Variants in DMD observed in about 807,000 individuals in gnomAD.
DMD encodes the protein mutant dystrophin.
Under a neutral mutation model 330.1 loss-of-function variants are expected in DMD, and 63 were observed. The observed-to-expected ratio is 0.19, with a 90% confidence interval of 0.16 to 0.24. DMD has a LOEUF of 0.24. Ranked by LOEUF, DMD falls within the 10% of genes least tolerant of loss-of-function variation. The probability of loss-of-function intolerance (pLI) is 1.00; values close to 1 mark genes in which losing one functional copy is unlikely to be tolerated. For missense variants in DMD, 3,344 were observed against 2,684.1 expected, an observed-to-expected ratio of 1.25 and a Z score of -5.43; for synonymous variants, 1,223 against 959.8, an observed-to-expected ratio of 1.27 and a Z score of -5.07.
intron 9 of DMD, among the ~76,000 whole-genome samples, chrX:32,684,485 T>A (rs939282605): frequency 9.0e-6 from 1 of 111,598 alleles, no homozygotes; most frequent in African/African-American, 3.2e-5. Flanking sequence ...ATGTCTTACA[T>A]CATTTCATTT....
At chrX:31,223,695 C>T (rs757979222) in intron 63 of DMD, among the ~76,000 whole-genome samples, 4 of 111,781 alleles carry the variant, frequency 3.6e-5, no homozygotes, top group East Asian at 2.8e-4. Flanking sequence ...GTAATCCCAA[C>T]GCTTTGAGAG....
chrX:32,624,186 T>C (rs748942428), intron 11 of DMD, among the ~76,000 whole-genome samples: 44 of 112,207 alleles, frequency 3.9e-4, no homozygotes, highest in African/African-American at 1.3e-3. Context: ...TCATTTTATA[T>C]CCTTCAAGTC....
intron 34 of DMD, among the ~76,000 whole-genome samples, chrX:32,368,585 A>G (rs1420326788): frequency 8.9e-6 from 1 of 111,980 alleles, no homozygotes; most frequent in Non-Finnish European, 1.9e-5. Context: ...CCACAACACA[A>G]GAATGTCTGC....
intron 2 of DMD, among the ~76,000 whole-genome samples, chrX:32,857,163 TG>T (rs1743436385): frequency 8.9e-6 from 1 of 112,187 alleles, no homozygotes; most frequent in Admixed American, 9.4e-5. Flanking sequence ...TACCCTGATA[TG>T]ATTATGCTTC....
intron 4 of DMD, among the ~76,000 whole-genome samples, chrX:32,832,472 G>A (rs5972684): frequency 0.26 from 28,370 of 108,394 alleles, 2,730 homozygotes; most frequent in East Asian, 0.6. Flanking sequence ...TATATAAACC[G>A]AGAAGTTCCT....
At chrX:31,702,752 C>T (rs2083902347) in intron 52 of DMD, among the ~76,000 whole-genome samples, 1 of 110,851 alleles carries the variant, frequency 9.0e-6, no homozygotes. Context: ...TTTTTTTAAA[C>T]TCCCCCTAGT....
At chrX:31,754,390 C>T (rs1348028939) in intron 51 of DMD, among the ~76,000 whole-genome samples, 1 of 110,967 alleles carries the variant, frequency 9.0e-6, no homozygotes, top group Non-Finnish European at 1.9e-5. Context: ...GTTTACAACA[C>T]ACAATTCTCT....
intron 37 of DMD, among the ~76,000 whole-genome samples, chrX:32,362,067 C>T (rs1603631679): frequency 9.0e-6 from 1 of 111,708 alleles, no homozygotes; most frequent in Middle Eastern, 4.6e-3. Flanking sequence ...TCAAATCATA[C>T]ACAAATATAA....
chrX:31,472,019 A>C (rs767843802), intron 59 of DMD, among the ~76,000 whole-genome samples: 4 of 112,450 alleles, frequency 3.6e-5, no homozygotes, highest in East Asian at 2.8e-4. Context: ...TGAAGGATTA[A>C]ATATTTTTTC....
At chrX:31,961,743 T>TG (rs2095306685) in intron 45 of DMD, among the ~76,000 whole-genome samples, 2 of 90,279 alleles carry the variant, frequency 2.2e-5, no homozygotes, top group African/African-American at 1.1e-4. Flanking sequence ...GGAAGCGGTT[T>TG]TTTTTTTTTT....
chrX:32,510,078 T>C (rs2045119835), intron 18 of DMD, among the ~76,000 whole-genome samples: 1 of 112,078 alleles, frequency 8.9e-6, no homozygotes, highest in Non-Finnish European at 1.9e-5. Context: ...TCTCTGATTA[T>C]ATATTATCAA....
chrX:31,160,031 A>G (rs1955177113), intron 74 of DMD, among the ~76,000 whole-genome samples: 1 of 112,478 alleles, frequency 8.9e-6, no homozygotes, highest in African/African-American at 3.2e-5. Flanking sequence ...GCCTCAAGCA[A>G]CAACTGGCCT....
chrX:31,934,396 C>G (rs1212782090), intron 45 of DMD, among the ~76,000 whole-genome samples: 2 of 111,990 alleles, frequency 1.8e-5, no homozygotes, highest in African/African-American at 3.2e-5. Context: ...AAGTTACATT[C>G]TCCCCTCTGT....
At chrX:32,166,115 G>T (rs1338870240) in intron 44 of DMD, among the ~76,000 whole-genome samples, 1 of 110,991 alleles carries the variant, frequency 9.0e-6, no homozygotes, top group Non-Finnish European at 1.9e-5. Context: ...TGAGATTTCT[G>T]TTCAAATATC....
chrX:32,294,489 A>T (rs1208484971), intron 42 of DMD, among the ~76,000 whole-genome samples: 1 of 111,889 alleles, frequency 8.9e-6, no homozygotes, highest in East Asian at 2.8e-4. Context: ...CCTGATTTTA[A>T]TCTGAGTCTC....
At chrX:32,961,081 C>T (rs2091874960) in intron 2 of DMD, among the ~76,000 whole-genome samples, 1 of 111,121 alleles carries the variant, frequency 9.0e-6, no homozygotes, top group Non-Finnish European at 1.9e-5. Context: ...ATATATATTG[C>T]CTCCCATTCT....
chrX:31,330,171 C>T (rs2057034361), intron 61 of DMD, among the ~76,000 whole-genome samples: 1 of 103,332 alleles, frequency 9.7e-6, no homozygotes, highest in South Asian at 4.4e-4. Flanking sequence ...ATTAAATATG[C>T]ATATTTTTGC....
At chrX:31,184,264 G>A (rs1455582538) in intron 67 of DMD, among the ~76,000 whole-genome samples, 1 of 111,902 alleles carries the variant, frequency 8.9e-6, no homozygotes, top group Non-Finnish European at 1.9e-5. Flanking sequence ...TTTTGTTTTT[G>A]AATACTGAAA....
chrX:33,136,300 A>C (rs956486723), intron 1 of DMD, among the ~76,000 whole-genome samples: 2 of 105,321 alleles, frequency 1.9e-5, no homozygotes, highest in African/African-American at 3.5e-5. Context: ...AAAAAAAAAA[A>C]AAAAAACCAC....
Sources: allele counts gnomAD v4.1 joint callset (sites outside exome capture counted in the v4.1 genomes callset), GRCh38; gene constraint gnomAD v4.1.1; transcripts MANE v1.5; gene names NCBI Gene and HGNC (gene_info 2026-07-23, HGNC 2026-07-21).